OVAAL: variants seen among roughly 807,000 people sequenced by gnomAD.
OVAAL encodes long intergenic non-protein coding RNA 1131.
At chr1:180,563,557 A>C (rs879450352) in intron 2 of OVAAL, among the ~76,000 whole-genome samples, 1 of 152,040 alleles carries the variant, frequency 6.6e-6, no homozygotes, top group Admixed American at 6.6e-5. Flanking sequence ...GTGTGGTTTG[A>C]CTTAGGGTTT....
At chr1:180,563,984 C>A (rs1189392650) in intron 2 of OVAAL, among the ~76,000 whole-genome samples, 1 of 152,002 alleles carries the variant, frequency 6.6e-6, no homozygotes, top group Non-Finnish European at 1.5e-5. Context: ...GTGTGGGGAC[C>A]CTCTTCTGTC....
chr1:180,561,718 ATT>A (rs149304585), intron 1 of OVAAL, among the ~76,000 whole-genome samples: 1 of 150,698 alleles, frequency 6.6e-6, no homozygotes. Flanking sequence ...TTTTAATTTT[ATT>A]TTTTTTTTAA....
At chr1:180,564,279 A>C (rs1653257994) in intron 2 of OVAAL, among the ~76,000 whole-genome samples, 1 of 152,204 alleles carries the variant, frequency 6.6e-6, no homozygotes, top group African/African-American at 2.4e-5. Context: ...GCTCTGTTAA[A>C]TTTGAATTTC....
intron 2 of OVAAL, among the ~76,000 whole-genome samples, chr1:180,563,574 T>C (rs894214086): frequency 9.9e-5 from 15 of 152,172 alleles, no homozygotes; most frequent in African/African-American, 3.6e-4. Context: ...GTTTTATATG[T>C]TGGCATACTT....
exon 3 of OVAAL, chr1:180,566,503 A>G (rs1571623688): frequency 6.6e-6 from 1 of 152,236 alleles, no homozygotes; most frequent in African/African-American, 2.4e-5. Flanking sequence ...GCCCTTTAAT[A>G]AATTTTAAAA....
chr1:180,565,795 A>G (rs1439526555), exon 3 of OVAAL: 1 of 152,162 alleles, frequency 6.6e-6, no homozygotes, highest in Non-Finnish European at 1.5e-5. Context: ...TATGAATCTT[A>G]CCCCATCTAG....
chr1:180,560,948 A>G (rs1433502667), intron 1 of OVAAL, among the ~76,000 whole-genome samples: 7 of 152,152 alleles, frequency 4.6e-5, no homozygotes, highest in Non-Finnish European at 1.0e-4. Context: ...ACATTTTTTA[A>G]AGGTTTTATA....
intron 2 of OVAAL, among the ~76,000 whole-genome samples, chr1:180,564,140 A>C (rs1022158153): frequency 6.6e-6 from 1 of 152,192 alleles, no homozygotes; most frequent in East Asian, 1.9e-4. Context: ...TGGATAATCA[A>C]TATCTACAGC....
chr1:180,563,412 C>A (rs1290807114), intron 2 of OVAAL, among the ~76,000 whole-genome samples: 2 of 152,132 alleles, frequency 1.3e-5, no homozygotes, highest in Admixed American at 6.5e-5. Context: ...GCAGCAACCT[C>A]AATCGGGGCA....
chr1:180,563,459 A>G (rs1653241158), intron 2 of OVAAL, among the ~76,000 whole-genome samples: 1 of 152,200 alleles, frequency 6.6e-6, no homozygotes, highest in African/African-American at 2.4e-5. Context: ...GTTTTAGAGC[A>G]GGAGTGAAAG....
At chr1:180,565,856 A>T (rs1445405373) in exon 3 of OVAAL, 2 of 152,124 alleles carry the variant, frequency 1.3e-5, no homozygotes, top group Non-Finnish European at 2.9e-5. Context: ...GGACAGAAAT[A>T]CTCAAGCAGA....
chr1:180,563,130 G>A (rs776036710), intron 2 of OVAAL, among the ~76,000 whole-genome samples: 1 of 152,184 alleles, frequency 6.6e-6, no homozygotes, highest in Non-Finnish European at 1.5e-5. Context: ...TTATGGCAGA[G>A]AGGAGACTTG....
At chr1:180,563,863 CTATAGGGA>C (rs1653249682) in intron 2 of OVAAL, among the ~76,000 whole-genome samples, 1 of 152,106 alleles carries the variant, frequency 6.6e-6, no homozygotes, top group South Asian at 2.1e-4. Context: ...TTTCTTCTAT[CTATAGGGA>C]GACTGCCTTT....
At chr1:180,562,215 A>G (rs1333302140) in exon 2 of OVAAL, 1 of 152,406 alleles carries the variant, frequency 6.6e-6, no homozygotes, top group African/African-American at 2.4e-5. Flanking sequence ...AGGCAGCTGT[A>G]TGGAGGCCAA....
At chr1:180,564,246 G>A (rs1255005057) in intron 2 of OVAAL, among the ~76,000 whole-genome samples, 4 of 138,180 alleles carry the variant, frequency 2.9e-5, no homozygotes, top group South Asian at 2.4e-4. Flanking sequence ...TCTAAAGTCG[G>A]ATTGCCAGTT....
chr1:180,562,315 A>ACTG (rs1653218663), exon 2 of OVAAL: 1 of 152,246 alleles, frequency 6.6e-6, no homozygotes, highest in African/African-American at 2.4e-5. Context: ...CTGAACAAGA[A>ACTG]CTGTGACTAT....
At chr1:180,562,023 CAAA>C (rs111640712) in intron 1 of OVAAL, among the ~76,000 whole-genome samples, 1 of 122,610 alleles carries the variant, frequency 8.2e-6, no homozygotes, top group Non-Finnish European at 1.7e-5. Flanking sequence ...AACTCCATCT[CAAA>C]AAAAAAAAAA....
intron 1 of OVAAL, among the ~76,000 whole-genome samples, chr1:180,561,051 G>T (rs1348796536): frequency 1.3e-5 from 2 of 152,140 alleles, no homozygotes; most frequent in Non-Finnish European, 2.9e-5. Context: ...CAGGCTCAGT[G>T]AATTAGTGAT....
At chr1:180,563,561 A>T (rs1344949732) in intron 2 of OVAAL, among the ~76,000 whole-genome samples, 1 of 152,160 alleles carries the variant, frequency 6.6e-6, no homozygotes, top group East Asian at 1.9e-4. Context: ...GGTTTGACTT[A>T]GGGTTTTATA....
Sources: gnomAD v4.1 joint callset for allele counts (sites outside exome capture counted in the v4.1 genomes callset) on GRCh38, gnomAD v4.1.1 for gene constraint, MANE v1.5 for transcripts, NCBI Gene and HGNC (gene_info 2026-07-23, HGNC 2026-07-21) for gene names.